MN1: variants seen among roughly 807,000 people sequenced by gnomAD.
MN1 encodes the protein transcriptional activator MN1.
In MN1, 19 loss-of-function variants were observed where a neutral mutation model predicts 86.9. The observed-to-expected ratio is 0.22, with a 90% CI of 0.15 to 0.32. MN1 has a LOEUF of 0.32. MN1 is among the 10% of genes least tolerant of loss of function. The pLI, the probability that MN1 is intolerant of heterozygous loss-of-function variation, is 1.00. For synonymous variants in MN1, 928 were observed against 849.6 expected (o/e 1.09, Z -1.60); for missense variants, 1,841 against 1,862.0 (o/e 0.99, Z 0.21).
intron 1 of MN1, among the ~76,000 whole-genome samples, chr22:27,757,602 G>C (rs576325067): frequency 6.6e-6 from 1 of 152,196 alleles, no homozygotes; most frequent in South Asian, 2.1e-4. Context: ...AAAGGGAAAT[G>C]TATTTTGGTT....
At chr22:27,785,943 G>A (rs1305433707) in intron 1 of MN1, among the ~76,000 whole-genome samples, 1 of 152,170 alleles carries the variant, frequency 6.6e-6, no homozygotes, top group African/African-American at 2.4e-5. Flanking sequence ...AAAAGAAATT[G>A]TATCCTCATC....
intron 1 of MN1, among the ~76,000 whole-genome samples, chr22:27,782,243 C>T (rs1349782208): frequency 6.6e-6 from 1 of 152,158 alleles, no homozygotes; most frequent in Admixed American, 6.5e-5. Flanking sequence ...ACATATAATC[C>T]TCCCCTCCCT....
intron 1 of MN1, among the ~76,000 whole-genome samples, chr22:27,753,502 G>A (rs902203950): frequency 2.6e-5 from 4 of 152,166 alleles, no homozygotes. Flanking sequence ...TGGGAGGGTC[G>A]GGGGTGAGGG....
At chr22:27,763,131 A>C (rs994950222) in intron 1 of MN1, among the ~76,000 whole-genome samples, 1 of 152,134 alleles carries the variant, frequency 6.6e-6, no homozygotes, top group Non-Finnish European at 1.5e-5. Context: ...ACAAATATAC[A>C]TTCACATTTA....
At chr22:27,785,967 G>A (rs1290854824) in intron 1 of MN1, among the ~76,000 whole-genome samples, 1 of 152,238 alleles carries the variant, frequency 6.6e-6, no homozygotes, top group Non-Finnish European at 1.5e-5. Context: ...CCAAATGCCT[G>A]TTTCCTCAGC....
At position 27,799,614 on chromosome 22, in the gene MN1, ATGCTGCTGC is replaced by A. The variant is rs747503495; in HGVS notation, c.921_929del (p.Gln307_Gln309del). Reference sequence around the variant, plus strand: ...CACTGAACCTCTCAAAGAACACACCATGCTGCTGCTGCTGCTGCTGGGGCTGCTGCTGCT... The same window carrying A: ...CACTGAACCTCTCAAAGAACACACCATGCTGCTGCTGGGGCTGCTGCTGCT... On this transcript the variant is annotated inframe_deletion, in exon 1 of 2. Transcript: ENST00000302326. 1 of 1,540,140 alleles carries A rather than the reference ATGCTGCTGC, an allele frequency of 6.5e-7. No individual in the cohort carries two copies. Among genetic ancestry groups the A allele is most frequent in the Non-Finnish European group, 8.8e-7 (1 of 1,141,602 alleles).
chr22:27,799,349 TG>T lies in MN1; in HGVS notation c.1194del (p.Met399CysfsTer53). On this transcript the variant is annotated frameshift_variant, in exon 1 of 2. Transcript: ENST00000302326. LOFTEE classifies it high-confidence loss of function. Reference protein sequence around the residue: ...TPSGGLQDGGPMLPSQHAQFE... With the variant: ...TPSGGLQDGGXMLPSQHAQFE... Reference sequence around the variant, plus strand: ...AATTGCGCGTGCTGGCTGGGCAGCATGGGGCCTCCGTCCTGCAGGCCGCCGC... The same window carrying T: ...AATTGCGCGTGCTGGCTGGGCAGCATGGGCCTCCGTCCTGCAGGCCGCCGC... 6.3e-7 allele frequency: 1 copy of T among 1,585,490 alleles called. No homozygotes were observed. The highest frequency in any genetic ancestry group is 8.6e-7 in the Non-Finnish European group (1 of 1,167,922).
intron 1 of MN1, among the ~76,000 whole-genome samples, chr22:27,789,851 G>A (rs993927239): frequency 1.3e-5 from 2 of 152,244 alleles, no homozygotes; most frequent in Non-Finnish European, 2.9e-5. Flanking sequence ...AGGAAGTGGT[G>A]ATTATGAAAT....
intron 1 of MN1, among the ~76,000 whole-genome samples, chr22:27,756,164 C>T (rs1213171941): frequency 6.6e-6 from 1 of 152,126 alleles, no homozygotes; most frequent in Non-Finnish European, 1.5e-5. Context: ...GCAGGCTGTG[C>T]CTGGGGTGAA....
chr22:27,792,518 ATG>A (rs1933227580), intron 1 of MN1, among the ~76,000 whole-genome samples: 1 of 151,892 alleles, frequency 6.6e-6, no homozygotes, highest in African/African-American at 2.4e-5. Flanking sequence ...ATGATTGCAG[ATG>A]TGTGTTAGGT....
At chr22:27,777,897 AG>A (rs1933000703) in intron 1 of MN1, among the ~76,000 whole-genome samples, 1 of 151,988 alleles carries the variant, frequency 6.6e-6, no homozygotes, top group Non-Finnish European at 1.5e-5. Context: ...AAAGAAAGAA[AG>A]AAAAGAAAAA....
intron 1 of MN1, among the ~76,000 whole-genome samples, chr22:27,782,253 T>G (rs956437236): frequency 3.3e-5 from 5 of 152,178 alleles, no homozygotes; most frequent in African/African-American, 9.6e-5. Flanking sequence ...CTCCCCTCCC[T>G]TCCCCGGCCC....
chr22:27,798,570 C>G lies in MN1; in HGVS notation c.1974G>C (p.Pro658=), dbSNP rs752513997. The G allele has an allele frequency of 6.5e-7, 1 of 1,534,600 alleles. No individual in the cohort carries two copies. The highest frequency in any genetic ancestry group is 1.2e-5 in the South Asian group (1 of 81,208). Reference sequence around the variant, plus strand: ...GAGGGGGCGCCAGGCTGGGGTCGTGCGGGCCACAGTCAGCGGGCAGACCCG... The same window carrying G: ...GAGGGGGCGCCAGGCTGGGGTCGTGGGGGCCACAGTCAGCGGGCAGACCCG... ...GGSGLPADCG[P]HDPSLAPPPP... The change falls in exon 1 of 2, where the codon CCG becomes CCC. Residue 658 remains proline, a synonymous_variant. Transcript: ENST00000302326.
chr22:27,784,152 G>A (rs1435197323), intron 1 of MN1, among the ~76,000 whole-genome samples: 1 of 152,170 alleles, frequency 6.6e-6, no homozygotes, highest in Non-Finnish European at 1.5e-5. Context: ...TGGGGACCCT[G>A]GATCTCCCCT....
At chr22:27,759,661 T>C (rs780621420) in intron 1 of MN1, among the ~76,000 whole-genome samples, 8 of 152,186 alleles carry the variant, frequency 5.3e-5, no homozygotes, top group Non-Finnish European at 4.4e-5. Context: ...CCAGTGACAA[T>C]GGCCTGGAGA....
chr22:27,751,909 C>T (rs1932767910), intron 1 of MN1, among the ~76,000 whole-genome samples: 1 of 152,164 alleles, frequency 6.6e-6, no homozygotes, highest in Non-Finnish European at 1.5e-5. Context: ...CCCTCTCCCA[C>T]CTCTGAAGGT....
intron 1 of MN1, among the ~76,000 whole-genome samples, chr22:27,796,487 A>G (rs916241704): frequency 6.7e-6 from 1 of 149,780 alleles, no homozygotes; most frequent in Non-Finnish European, 1.5e-5. Flanking sequence ...GGGGTACTCT[A>G]CAAGATTCCC....
chr22:27,800,422 G>A lies in MN1; in HGVS notation c.122C>T (p.Thr41Ile). Residue 41 changes from threonine to isoleucine, a missense_variant, in exon 1 of 2, where the codon ACT becomes ATT. Transcript: ENST00000302326. ...ATCCACAGGGCCAGGGGGCCCCCCAGTGTGGAAAGCCGGGGCCTTAAAGTG... is the reference window on the plus strand; with the variant it reads ...ATCCACAGGGCCAGGGGGCCCCCCAATGTGGAAAGCCGGGGCCTTAAAGTG... ...NTHFKAPAFH[T>I]GGPPGPVDPA... The A allele has an allele frequency of 1.2e-6, 2 of 1,614,202 alleles. No individual in the cohort carries two copies. Among genetic ancestry groups the A allele is most frequent in the Non-Finnish European group, 1.7e-6 (2 of 1,180,024 alleles).
At position 27,798,697 on chromosome 22, in the gene MN1, C is replaced by A. The variant is rs1295933389; in HGVS notation, c.1847G>T (p.Gly616Val). Residue 616 changes from glycine (G) to valine (V), a missense_variant, in exon 1 of 2, where the codon GGC (glycine) becomes GTC (valine). Transcript: ENST00000302326. ...EGGSTGAGRL[G>V]TFEQQAPHLA... ...GTGCGGCGCCTGCTGCTCGAAGGTG[C>A]CCAGACGCCCGGCGCCCGTGCTGCC... 2 of 1,536,696 alleles carry A rather than the reference C, an allele frequency of 1.3e-6. No individual in the cohort carries two copies. Among genetic ancestry groups the A allele is most frequent in the East Asian group, 4.9e-5 (2 of 40,872 alleles).
Sources: gnomAD v4.1 joint callset for allele counts (sites outside exome capture counted in the v4.1 genomes callset) on GRCh38, gnomAD v4.1.1 for gene constraint, MANE v1.5 for transcripts, NCBI Gene and HGNC (gene_info 2026-07-23, HGNC 2026-07-21) for gene names.